RELN: variants seen among roughly 807,000 people sequenced by gnomAD.
RELN encodes the protein reelin.
A neutral mutation model predicts 427.6 loss-of-function variants in RELN; 108 were observed. The ratio of observed to expected loss-of-function variants is 0.25; its 90% CI spans 0.22 to 0.30. The LOEUF (loss-of-function observed/expected upper bound fraction) is 0.30, where lower values mean the gene tolerates loss of function less well. RELN is among the 10% of genes least tolerant of loss of function. The probability of loss-of-function intolerance (pLI) is 1.00; values close to 1 mark genes in which losing one functional copy is unlikely to be tolerated. For missense variants in RELN, 3,715 were observed against 4,302.8 expected (o/e 0.86, Z 3.82); for synonymous variants, 1,524 against 1,513.4 (o/e 1.01, Z -0.16).
chr7:103,957,874 C>T (rs1369494089), intron 1 of RELN, among the ~76,000 whole-genome samples: 1 of 152,112 alleles, frequency 6.6e-6, no homozygotes, highest in Non-Finnish European at 1.5e-5. Context: ...AGCAGATTTA[C>T]AAAAGCATTA....
chr7:103,919,452 C>G (rs544574359), intron 1 of RELN, among the ~76,000 whole-genome samples: 1 of 152,038 alleles, frequency 6.6e-6, no homozygotes, highest in Non-Finnish European at 1.5e-5. Flanking sequence ...TCTCTCCATC[C>G]CCTTTCTTTC....
At chr7:103,932,992 G>C (rs899675732) in intron 1 of RELN, among the ~76,000 whole-genome samples, 1 of 152,168 alleles carries the variant, frequency 6.6e-6, no homozygotes, top group African/African-American at 2.4e-5. Flanking sequence ...ACAGGCAGAA[G>C]TGTGTTGGTA....
chr7:103,581,565 G>A (rs912221473), intron 28 of RELN, among the ~76,000 whole-genome samples: 6 of 152,060 alleles, frequency 3.9e-5, no homozygotes. Context: ...AATTACTGGG[G>A]CTAAAACAGA....
At chr7:103,876,602 C>A (rs1794484478) in intron 2 of RELN, among the ~76,000 whole-genome samples, 1 of 151,952 alleles carries the variant, frequency 6.6e-6, no homozygotes, top group Non-Finnish European at 1.5e-5. Flanking sequence ...TAGGGTAAAG[C>A]CTGATGCATG....
intron 2 of RELN, among the ~76,000 whole-genome samples, chr7:103,914,395 C>A (rs1377855857): frequency 6.6e-6 from 1 of 152,030 alleles, no homozygotes; most frequent in African/African-American, 2.4e-5. Flanking sequence ...TTAATTCAGC[C>A]AAGTCTCCTC....
chr7:103,639,893 A>G (rs891734317), intron 17 of RELN, among the ~76,000 whole-genome samples: 2 of 152,224 alleles, frequency 1.3e-5, no homozygotes, highest in African/African-American at 4.8e-5. Flanking sequence ...ATAATTAAAT[A>G]TTAATGTAAG....
At chr7:103,785,908 C>A (rs1325844237) in intron 3 of RELN, among the ~76,000 whole-genome samples, 3 of 150,090 alleles carry the variant, frequency 2.0e-5, no homozygotes, top group Non-Finnish European at 4.4e-5. Context: ...TGTTTTTGAT[C>A]TTAAAAGGAA....
chr7:103,650,885 A>G (rs1832901333), intron 15 of RELN, among the ~76,000 whole-genome samples: 1 of 152,140 alleles, frequency 6.6e-6, no homozygotes, highest in South Asian at 2.1e-4. Context: ...TTGGCCTCCC[A>G]AAGTGCTGGG....
At chr7:103,926,931 C>T (rs1795757802) in intron 1 of RELN, among the ~76,000 whole-genome samples, 1 of 152,128 alleles carries the variant, frequency 6.6e-6, no homozygotes, top group African/African-American at 2.4e-5. Context: ...AGGCGTGAGC[C>T]ACCGTGCCCA....
intron 10 of RELN, among the ~76,000 whole-genome samples, chr7:103,694,712 A>T (rs1464376758): frequency 6.6e-6 from 1 of 151,382 alleles, no homozygotes; most frequent in Admixed American, 6.6e-5. Flanking sequence ...CACCTTGGAA[A>T]TTTTTTTTTC....
intron 8 of RELN, among the ~76,000 whole-genome samples, chr7:103,720,838 C>T (rs2299374): frequency 0.2 from 30,431 of 151,950 alleles, 3,690 homozygotes; most frequent in South Asian, 0.37. Context: ...CCTTATACCT[C>T]GTAAACATCC....
At chr7:103,866,610 G>T (rs1794203411) in intron 2 of RELN, among the ~76,000 whole-genome samples, 1 of 151,950 alleles carries the variant, frequency 6.6e-6, no homozygotes, top group Non-Finnish European at 1.5e-5. Flanking sequence ...AAGAATAGGT[G>T]TTGTAATTAG....
intron 1 of RELN, among the ~76,000 whole-genome samples, chr7:103,918,275 TA>T (rs1312462844): frequency 1.3e-5 from 2 of 152,148 alleles, no homozygotes; most frequent in African/African-American, 4.8e-5. Context: ...TAATAGCTAA[TA>T]TTTTTTAGTG....
At chr7:103,732,160 G>A (rs1584444191) in intron 6 of RELN, among the ~76,000 whole-genome samples, 1 of 152,114 alleles carries the variant, frequency 6.6e-6, no homozygotes, top group Admixed American at 6.6e-5. Flanking sequence ...TGATATGACA[G>A]TTTAGGATAT....
At chr7:103,910,508 G>A (rs1269194283) in intron 2 of RELN, among the ~76,000 whole-genome samples, 19 of 151,578 alleles carry the variant, frequency 1.3e-4, no homozygotes, top group African/African-American at 2.2e-4. Context: ...ACTACTTTAA[G>A]GTTCATATGG....
chr7:103,538,839 G>C (rs1037884033), intron 45 of RELN, among the ~76,000 whole-genome samples: 1 of 152,148 alleles, frequency 6.6e-6, no homozygotes, highest in African/African-American at 2.4e-5. Flanking sequence ...TATAAAATAA[G>C]TCTTCACGTA....
Position 103,496,488 on chromosome 7 carries a change from T to C in RELN, c.9193+38A>G, listed in dbSNP as rs761779461. 1.0e-4 allele frequency: 163 copies of C among 1,613,984 alleles called. No individual in the cohort carries two copies. The Middle Eastern group carries it at 3.1e-3, about 31-fold the overall frequency. ...CTGAAGACATAAGCAGAAAAATGGC[T>C]CACAGGAAAGAAAATTGTTCAATGT... On this transcript the variant is annotated intron_variant, in intron 56 of 64. Coordinates refer to ENST00000428762, the MANE Select transcript of RELN (RefSeq NM_005045.4).
chr7:103,909,627 A>C (rs1449993259), intron 2 of RELN, among the ~76,000 whole-genome samples: 1 of 126,800 alleles, frequency 7.9e-6, no homozygotes, highest in African/African-American at 3.0e-5. Flanking sequence ...AATATATATT[A>C]AATATATTTA....
intron 13 of RELN, among the ~76,000 whole-genome samples, chr7:103,653,358 G>T (rs1193009994): frequency 6.6e-6 from 1 of 151,988 alleles, no homozygotes; most frequent in Admixed American, 6.6e-5. Flanking sequence ...GAATGTGCTG[G>T]ATATTCACTC....
Sources: allele counts gnomAD v4.1 joint callset (sites outside exome capture counted in the v4.1 genomes callset), GRCh38; gene constraint gnomAD v4.1.1; transcripts MANE v1.5; gene names NCBI Gene and HGNC (gene_info 2026-07-23, HGNC 2026-07-21).